The following PRKACB variants were observed in gnomAD, a reference collection of about 807,000 sequenced individuals.
PRKACB encodes the protein cAMP-dependent protein kinase catalytic subunit beta.
In PRKACB, 16 loss-of-function variants were observed where a neutral mutation model predicts 51.4. The ratio of observed to expected loss-of-function variants is 0.31; its 90% CI spans 0.21 to 0.47. The LOEUF is 0.47. Ranked by LOEUF, PRKACB falls within the 20% of genes least tolerant of loss-of-function variation. The pLI, the probability that PRKACB is intolerant of heterozygous loss-of-function variation, is 1.00. For synonymous variants in PRKACB, 147 were observed against 154.4 expected (o/e 0.95, Z 0.35); for missense variants, 309 against 464.5 (o/e 0.67, Z 3.08).
At chr1:84,198,527 A>C (rs1400982050) in intron 7 of PRKACB, among the ~76,000 whole-genome samples, 1 of 152,092 alleles carries the variant, frequency 6.6e-6, no homozygotes, top group Admixed American at 6.5e-5. Flanking sequence ...GAAGTGTTAA[A>C]ATAAAAGATT....
At chr1:84,115,953 T>A (rs1261484344) in intron 1 of PRKACB, among the ~76,000 whole-genome samples, 1 of 151,566 alleles carries the variant, frequency 6.6e-6, no homozygotes, top group Non-Finnish European at 1.5e-5. Context: ...GGAGAGTTTT[T>A]CCTAGGTTTT....
intron 9 of PRKACB, among the ~76,000 whole-genome samples, chr1:84,217,984 A>C (rs1475468306): frequency 6.6e-6 from 1 of 152,164 alleles, no homozygotes; most frequent in Non-Finnish European, 1.5e-5. Context: ...ATTAATATAT[A>C]CATCTGTCTA....
chr1:84,113,404 C>G (rs1001906503), intron 1 of PRKACB, among the ~76,000 whole-genome samples: 2 of 152,150 alleles, frequency 1.3e-5, no homozygotes, highest in Admixed American at 1.3e-4. Context: ...CATGGGAGCC[C>G]TCAGACATTG....
intron 5 of PRKACB, among the ~76,000 whole-genome samples, chr1:84,195,914 A>C (rs74413439): frequency 6.5e-4 from 1 of 1,532 alleles, no homozygotes; most frequent in Non-Finnish European, 0.045. Context: ...CTGTGTCTCA[A>C]AAAAAAAAAA....
Position 84,137,304 on chromosome 1 carries a change from C to G in PRKACB, c.47-41873C>G, listed in dbSNP as rs543304430. Among the ~76,000 whole-genome samples the G allele has an allele frequency of 6.6e-5, 10 of 152,208 alleles. No homozygotes were observed. The East Asian group carries it at 1.7e-3, about 26-fold the overall frequency. On this transcript the variant is annotated intron_variant, in intron 1 of 8. Coordinates refer to the PRKACB transcript ENST00000370688. ...CTAAGTGATAAAAACACTGAAAAGTCTGTATACTTTATAATTGCAATTATA... is the reference window on the plus strand; with the variant it reads ...CTAAGTGATAAAAACACTGAAAAGTGTGTATACTTTATAATTGCAATTATA...
At chr1:84,121,479 C>A (rs564143627) in intron 1 of PRKACB, among the ~76,000 whole-genome samples, 143 of 152,138 alleles carry the variant, frequency 9.4e-4, no homozygotes, top group African/African-American at 3.3e-3. Flanking sequence ...TCTTGCCAAT[C>A]GTAGCTAAAA....
At chr1:84,112,225 CTTTTTTTTT>C (rs905575496) in intron 1 of PRKACB, among the ~76,000 whole-genome samples, 4 of 120,040 alleles carry the variant, frequency 3.3e-5, no homozygotes, top group Non-Finnish European at 6.8e-5. Flanking sequence ...TGGACTGCTT[CTTTTTTTTT>C]TTTTTTTTTT....
intron 1 of PRKACB, among the ~76,000 whole-genome samples, chr1:84,098,284 G>A (rs1320985094): frequency 6.6e-6 from 1 of 151,992 alleles, no homozygotes; most frequent in African/African-American, 2.4e-5. Flanking sequence ...CCAAGTCTAT[G>A]GGTTGCATTT....
intron 1 of PRKACB, among the ~76,000 whole-genome samples, chr1:84,113,081 G>A (rs1277626195): frequency 6.6e-6 from 1 of 152,148 alleles, no homozygotes; most frequent in Non-Finnish European, 1.5e-5. Flanking sequence ...ATGAAATTTA[G>A]ATGATCAATT....
intron 1 of PRKACB, among the ~76,000 whole-genome samples, chr1:84,177,698 T>C (rs1476222700): frequency 1.3e-5 from 2 of 151,942 alleles, no homozygotes; most frequent in African/African-American, 4.8e-5. Context: ...ACTGTGATCA[T>C]GACACTGCAC....
chr1:84,185,333 C>T, intron 5 of PRKACB, 151 bp downstream of exon 5: 1 of 467,472 alleles, frequency 2.1e-6, no homozygotes, highest in Non-Finnish European at 3.7e-6. Flanking sequence ...CCACATCATA[C>T]ACAAGTTTTA....
At chr1:84,137,522 A>G (rs1378277723) in intron 1 of PRKACB, among the ~76,000 whole-genome samples, 2 of 152,232 alleles carry the variant, frequency 1.3e-5, no homozygotes, top group Non-Finnish European at 2.9e-5. Context: ...AAACTCATTT[A>G]GAAGGTTGAT....
At chr1:84,149,394 G>C (rs1304034988) in intron 1 of PRKACB, among the ~76,000 whole-genome samples, 4 of 152,068 alleles carry the variant, frequency 2.6e-5, no homozygotes, top group Non-Finnish European at 4.4e-5. Context: ...CAAGTAGCTG[G>C]GACTATAGGC....
intron 8 of PRKACB, chr1:84,204,845 G>C: frequency 1.0e-6 from 1 of 984,052 alleles, no homozygotes; most frequent in Non-Finnish European, 1.2e-6. Flanking sequence ...TAAAATTAAT[G>C]TGTCTTCATT....
chr1:84,133,833 CT>C (rs1289443761), intron 1 of PRKACB, among the ~76,000 whole-genome samples: 2 of 151,802 alleles, frequency 1.3e-5, no homozygotes, highest in African/African-American at 4.8e-5. Flanking sequence ...ACTCTTTTAG[CT>C]TTGCCATCCA....
At chr1:84,081,325 A>G (rs988311611) in intron 1 of PRKACB, among the ~76,000 whole-genome samples, 3 of 152,176 alleles carry the variant, frequency 2.0e-5, no homozygotes, top group African/African-American at 7.2e-5. Context: ...CCTAAAAGCT[A>G]GGTGAGATTC....
At chr1:84,108,223 G>T (rs142986875) in intron 1 of PRKACB, among the ~76,000 whole-genome samples, 1 of 151,970 alleles carries the variant, frequency 6.6e-6, no homozygotes, top group African/African-American at 2.4e-5. Flanking sequence ...TAACAAAGGA[G>T]CAGAAAACCA....
At chr1:84,142,829 T>C (rs530034782), upstream of PRKACB, among the ~76,000 whole-genome samples, 3 of 152,256 alleles carry the variant, frequency 2.0e-5, no homozygotes, top group Non-Finnish European at 2.9e-5. Flanking sequence ...TGTTTTCTTA[T>C]TGGCCTTTTA....
In PRKACB at chr1:84,176,907, A is replaced by G. The variant is rs370186963; in HGVS notation, c.188-2270A>G. ...GTGAATAAAATTAAATAATGCCGGA[A>G]ATTTTTCTTTTAGCTTATCACCAGG... On this transcript the variant is annotated intron_variant, in intron 1 of 9. Coordinates refer to ENST00000370685, the MANE Select transcript of PRKACB (RefSeq NM_182948.4). 7.9e-5 allele frequency among the ~76,000 whole-genome samples: 12 copies of G among 152,060 alleles called. 1 individual carries two copies. Among genetic ancestry groups the G allele is most frequent in the Admixed American group, 4.6e-4 (7 of 15,232 alleles).
Sources: gnomAD v4.1 joint callset for allele counts (sites outside exome capture counted in the v4.1 genomes callset) on GRCh38, gnomAD v4.1.1 for gene constraint, MANE v1.5 for transcripts, NCBI Gene and HGNC (gene_info 2026-07-23, HGNC 2026-07-21) for gene names.